Variants in SGCD observed in about 807,000 individuals in gnomAD.
The protein encoded by SGCD is sarcoglycan delta, also known as delta-sarcoglycan.
A neutral mutation model predicts 36.6 loss-of-function variants in SGCD; 18 were observed. The observed-to-expected ratio is 0.49, with a 90% confidence interval of 0.34 to 0.73. The LOEUF (loss-of-function observed/expected upper bound fraction) is 0.73. Among genes scored for constraint, SGCD ranks in the 30% least tolerant of loss-of-function variants. The probability of loss-of-function intolerance (pLI) is 0.01; values close to 1 mark genes in which losing one functional copy is unlikely to be tolerated. For missense variants in SGCD, 387 were observed against 346.7 expected, an observed-to-expected ratio of 1.12 and a Z score of -0.92; for synonymous variants, 133 against 130.6, an observed-to-expected ratio of 1.02 and a Z score of -0.12.
chr5:155,802,417 A>C, the SGCD span, among the ~76,000 whole-genome samples: 3 of 152,210 alleles, frequency 2.0e-5, no homozygotes, highest in Admixed American at 2.0e-4. Flanking sequence ...AACGAATTCT[A>C]CCTATATTCT....
intron 3 of SGCD, among the ~76,000 whole-genome samples, chr5:156,464,042 C>A (rs540482414): frequency 6.6e-6 from 1 of 152,194 alleles, no homozygotes; most frequent in East Asian, 1.9e-4. Context: ...TGCCAAGTAC[C>A]GTGCTCAATG....
chr5:156,217,735 C>T (rs777167375), intron 3 of SGCD, among the ~76,000 whole-genome samples: 2 of 151,896 alleles, frequency 1.3e-5, no homozygotes, highest in Non-Finnish European at 2.9e-5. Context: ...TTTAAAAATA[C>T]AGATATTAGT....
intron 1 of SGCD, among the ~76,000 whole-genome samples, chr5:155,949,900 T>C (rs1392032229): frequency 6.6e-6 from 1 of 152,198 alleles, no homozygotes; most frequent in Non-Finnish European, 1.5e-5. Context: ...GCCTTTCTAA[T>C]TTGGAAGCAT....
chr5:156,308,574 G>A (rs1581234133), intron 3 of SGCD, among the ~76,000 whole-genome samples: 2 of 151,970 alleles, frequency 1.3e-5, no homozygotes, highest in South Asian at 2.1e-4. Flanking sequence ...CTAGGATTAC[G>A]GGCATGAGCC....
chr5:156,508,439 C>T (rs192474642), intron 3 of SGCD, among the ~76,000 whole-genome samples, 162 bp from the exon 4 acceptor site: 1 of 151,764 alleles, frequency 6.6e-6, no homozygotes, highest in Non-Finnish European at 1.5e-5. Context: ...CTGCATTAAA[C>T]AATACCTCCT....
chr5:156,679,856 T>A (rs561020279), intron 7 of SGCD, among the ~76,000 whole-genome samples: 1 of 152,198 alleles, frequency 6.6e-6, no homozygotes, highest in African/African-American at 2.4e-5. Context: ...ACTTTAGTTA[T>A]CTTCTTAGTT....
At chr5:155,738,763 TGA>T in the SGCD span, among the ~76,000 whole-genome samples, 22 of 123,004 alleles carry the variant, frequency 1.8e-4, no homozygotes, top group Non-Finnish European at 2.4e-4. Flanking sequence ...TAAGAGAGTG[TGA>T]GAGTGTGAGA....
rs530104784 is a variant in SGCD, at chr5:156,289,121, G to A, written c.-43-40413G>A. ...CTATAAAGTTCTCTGTTAAAGAGGAGTTTGTGGTCATATAAGTTTAAAAAA... is the reference window on the plus strand; with the variant it reads ...CTATAAAGTTCTCTGTTAAAGAGGAATTTGTGGTCATATAAGTTTAAAAAA... On this transcript the variant is annotated intron_variant, in intron 3 of 9. Transcript: ENST00000517913. Among the ~76,000 whole-genome samples, 5 of 151,974 alleles carry A rather than the reference G, an allele frequency of 3.3e-5. No individual in the cohort carries two copies. In the East Asian group the frequency reaches 9.6e-4, roughly 29 times the overall value.
At chr5:156,579,209 T>C (rs1286157016) in intron 4 of SGCD, among the ~76,000 whole-genome samples, 2 of 152,222 alleles carry the variant, frequency 1.3e-5, no homozygotes, top group African/African-American at 2.4e-5. Context: ...AGTTTCCATG[T>C]AGTTGAGTGG....
intron 1 of SGCD, among the ~76,000 whole-genome samples, chr5:155,965,746 T>G (rs991906894): frequency 1.3e-5 from 2 of 152,056 alleles, no homozygotes; most frequent in Non-Finnish European, 2.9e-5. Flanking sequence ...CAACCACCCC[T>G]TTCTCCCTAT....
chr5:156,204,623 G>A (rs1764230139), intron 3 of SGCD, among the ~76,000 whole-genome samples: 1 of 151,994 alleles, frequency 6.6e-6, no homozygotes, highest in Non-Finnish European at 1.5e-5. Context: ...ACCCTTCTCA[G>A]CCTCACTTTC....
chr5:156,487,282 C>T (rs1220223383), intron 3 of SGCD, among the ~76,000 whole-genome samples: 2 of 152,194 alleles, frequency 1.3e-5, no homozygotes, highest in African/African-American at 2.4e-5. Context: ...AGAGATCACA[C>T]TACTGCACCT....
At chr5:155,853,670 C>G in the SGCD span, among the ~76,000 whole-genome samples, 1 of 152,152 alleles carries the variant, frequency 6.6e-6, no homozygotes, top group African/African-American at 2.4e-5. Flanking sequence ...TTCGCGTGTA[C>G]TTGTGTCAAC....
At chr5:155,982,826 A>G (rs868856693) in intron 1 of SGCD, among the ~76,000 whole-genome samples, 11 of 152,126 alleles carry the variant, frequency 7.2e-5, no homozygotes, top group African/African-American at 2.7e-4. Context: ...TCTCCAAAGT[A>G]TTTCAAATGC....
intron 3 of SGCD, among the ~76,000 whole-genome samples, chr5:156,473,177 C>T (rs1255622683): frequency 6.6e-6 from 1 of 152,158 alleles, no homozygotes; most frequent in African/African-American, 2.4e-5. Flanking sequence ...TACTTACCAC[C>T]TGTACTTAAT....
chr5:156,713,379 G>C (rs1755076871), intron 7 of SGCD, among the ~76,000 whole-genome samples: 1 of 150,648 alleles, frequency 6.6e-6, no homozygotes, highest in South Asian at 2.1e-4. Context: ...TTATCCTGGG[G>C]GGACAGGAAG....
chr5:156,544,069 T>C (rs1581144813), intron 4 of SGCD, among the ~76,000 whole-genome samples: 1 of 152,186 alleles, frequency 6.6e-6, no homozygotes, highest in Non-Finnish European at 1.5e-5. Context: ...TACACAGAAG[T>C]GAGGATGAGG....
chr5:156,647,706 A>G (rs1763283067), intron 7 of SGCD, among the ~76,000 whole-genome samples, 170 bp downstream of exon 7: 1 of 152,136 alleles, frequency 6.6e-6, no homozygotes, highest in Non-Finnish European at 1.5e-5. Context: ...ATTTTCTATG[A>G]GAACTTAAAA....
At chr5:156,433,404 T>C (rs890770990) in intron 3 of SGCD, among the ~76,000 whole-genome samples, 3 of 152,124 alleles carry the variant, frequency 2.0e-5, no homozygotes, top group African/African-American at 7.2e-5. Context: ...GTAAACTGGG[T>C]TGGGAAACAA....
Sources: allele counts gnomAD v4.1 joint callset (sites outside exome capture counted in the v4.1 genomes callset), GRCh38; gene constraint gnomAD v4.1.1; transcripts MANE v1.5; gene names NCBI Gene and HGNC (gene_info 2026-07-23, HGNC 2026-07-21).